Variants in FRK observed in about 807,000 individuals in gnomAD.
FRK encodes tyrosine-protein kinase FRK.
Under a neutral mutation model 56.4 loss-of-function variants are expected in FRK, and 51 were observed. That is an observed-to-expected ratio of 0.90 (90% CI 0.72 to 1.14). The LOEUF is 1.14. Among genes scored for constraint, FRK ranks in the 50% most tolerant of loss-of-function variants. The pLI, the probability that FRK is intolerant of heterozygous loss-of-function variation, is 0.00. For synonymous variants in FRK, 245 were observed against 217.9 expected (o/e 1.12, Z -1.10); for missense variants, 570 against 601.4 (o/e 0.95, Z 0.55).
chr6:116,091,499 C>T, the FRK span, among the ~76,000 whole-genome samples: 1 of 152,070 alleles, frequency 6.6e-6, no homozygotes, highest in African/African-American at 2.4e-5. Context: ...CGCGAAGGTC[C>T]GAGGCTTCAT....
intron 5 of FRK, among the ~76,000 whole-genome samples, chr6:115,954,232 G>A (rs1370378498): frequency 6.6e-6 from 1 of 152,192 alleles, no homozygotes; most frequent in African/African-American, 2.4e-5. Context: ...TGTGGCTGAC[G>A]AAGACTGAGC....
chr6:116,002,083 C>A (rs10872141), intron 2 of FRK, among the ~76,000 whole-genome samples: 59,727 of 151,994 alleles, frequency 0.39, 12,122 homozygotes, highest in Middle Eastern at 0.5. Context: ...ATGCATCTTT[C>A]GAAAGTCTTA....
intron 1 of FRK, among the ~76,000 whole-genome samples, chr6:116,044,989 C>A (rs1776881963): frequency 6.6e-6 from 1 of 152,086 alleles, no homozygotes; most frequent in African/African-American, 2.4e-5. Context: ...ACAATTGCTA[C>A]AAAGAGAATA....
At chr6:115,975,752 G>A (rs2114622615) in intron 2 of FRK, among the ~76,000 whole-genome samples, 1 of 152,216 alleles carries the variant, frequency 6.6e-6, no homozygotes, top group South Asian at 2.1e-4. Flanking sequence ...AAAGTTGCTG[G>A]CATTATGATT....
rs374931408 is a variant in FRK at position 115,942,395 on chromosome 6, T to C, written c.*19A>G. ...GAATTTGTTTTGCTACTTTATTATTTGATATTCTTCTCCAGTGTTCATCTT... is the reference window on the plus strand; with the variant it reads ...GAATTTGTTTTGCTACTTTATTATTCGATATTCTTCTCCAGTGTTCATCTT... On this transcript the variant is annotated 3_prime_UTR_variant, in exon 8 of 8. Coordinates refer to ENST00000606080, the MANE Select transcript of FRK (RefSeq NM_002031.3). 4.4e-5 allele frequency: 70 copies of C among 1,577,844 alleles called. No individual in the cohort carries two copies. In the African/African-American group the frequency reaches 8.1e-4, roughly 18 times the overall value.
In FRK at chr6:115,956,595, T is replaced by C. The variant is rs146859190; in HGVS notation, c.815A>G (p.Asn272Ser). The C allele has an allele frequency of 5.8e-5, 90 of 1,564,636 alleles. 2 individuals are homozygous for C. The African/African-American group carries it at 9.1e-4, about 16-fold the overall frequency. ...TATCTGTGCCTCCCTCAGGAAGTCA[T>C]TTGGATCCATTGAACCTGAAACAAG... ...KTLKPGSMDP[N>S]DFLREAQIMK... is the part of the protein sequence containing the mutation. The change falls in exon 5 of 8, where the codon AAT becomes AGT. Residue 272 changes from asparagine (N) to serine (S), a missense_variant. Physicochemically the swap from Asn to Ser is conservative, Grantham distance 46. Transcript: ENST00000606080.
At chr6:116,027,221 C>T (rs1776125826) in intron 1 of FRK, among the ~76,000 whole-genome samples, 1 of 152,104 alleles carries the variant, frequency 6.6e-6, no homozygotes, top group Admixed American at 6.6e-5. Context: ...TAACTTCCTC[C>T]CATCATACTA....
At chr6:116,036,789 A>T (rs115469859) in intron 1 of FRK, among the ~76,000 whole-genome samples, 3,161 of 152,260 alleles carry the variant, frequency 0.021, 99 homozygotes, top group African/African-American at 0.066. Flanking sequence ...TTAACTGTAA[A>T]TTAAATGTAC....
chr6:116,038,801 C>T (rs1776589767), intron 1 of FRK: 1 of 499,744 alleles, frequency 2.0e-6, no homozygotes, highest in Admixed American at 2.4e-5. Context: ...GAAGATGAAC[C>T]GACGGAAGAA....
At position 115,948,443 on chromosome 6, in the gene FRK, T is replaced by A. The variant is rs75050332; in HGVS notation, c.959-4018A>T. On this transcript the variant is annotated intron_variant, in intron 5 of 7. Transcript: ENST00000606080. ...ATTCCTAACCACAGAAACTGTGAGA[T>A]AATAAACATTTGCTGCTTTAAGCCA... 1.2e-3 allele frequency among the ~76,000 whole-genome samples: 181 copies of A among 152,298 alleles called. 3 individuals are homozygous for A. In the East Asian group the frequency reaches 0.025, roughly 21 times the overall value.
At chr6:116,026,586 G>A (rs1217776581) in intron 1 of FRK, among the ~76,000 whole-genome samples, 2 of 151,308 alleles carry the variant, frequency 1.3e-5, no homozygotes, top group Non-Finnish European at 3.0e-5. Flanking sequence ...AAAGACACGT[G>A]TAACACACCC....
chr6:116,080,761 A>G, the FRK span, among the ~76,000 whole-genome samples: 1 of 148,102 alleles, frequency 6.8e-6, no homozygotes, highest in African/African-American at 2.6e-5. Flanking sequence ...GCATATGCTC[A>G]AAGTCATTAA....
intron 1 of FRK, among the ~76,000 whole-genome samples, chr6:116,020,855 T>A (rs1260308839): frequency 6.6e-6 from 1 of 152,176 alleles, no homozygotes; most frequent in East Asian, 1.9e-4. Context: ...GTATAACCAC[T>A]TTACCCAACA....
intron 2 of FRK, among the ~76,000 whole-genome samples, chr6:115,991,205 G>A (rs1036407655): frequency 5.9e-5 from 9 of 151,736 alleles, no homozygotes; most frequent in South Asian, 2.1e-4. Context: ...GTAAGATCAC[G>A]TCATCGGTGA....
At chr6:116,048,698 AT>A (rs1266815241) in intron 1 of FRK, among the ~76,000 whole-genome samples, 2 of 152,194 alleles carry the variant, frequency 1.3e-5, no homozygotes, top group African/African-American at 4.8e-5. Flanking sequence ...CAAATTACAT[AT>A]TTTTTGTGTC....
intron 1 of FRK, among the ~76,000 whole-genome samples, chr6:116,034,355 T>A (rs528117512): frequency 6.6e-6 from 1 of 152,106 alleles, no homozygotes; most frequent in African/African-American, 2.4e-5. Flanking sequence ...AAATATCACA[T>A]GTACACCATA....
chr6:116,093,529 A>G, the FRK span, among the ~76,000 whole-genome samples: 1 of 152,222 alleles, frequency 6.6e-6, no homozygotes, highest in East Asian at 1.9e-4. Flanking sequence ...GAGTTTGGAG[A>G]TACCTGGTAT....
chr6:116,005,881 C>G (rs188350265), intron 1 of FRK, among the ~76,000 whole-genome samples: 1 of 152,124 alleles, frequency 6.6e-6, no homozygotes, highest in Admixed American at 6.5e-5. Flanking sequence ...CTACAGCATA[C>G]ACAATAATTT....
intron 4 of FRK, among the ~76,000 whole-genome samples, chr6:115,962,060 A>G (rs1482271142): frequency 7.1e-6 from 1 of 141,808 alleles, no homozygotes; most frequent in Admixed American, 6.9e-5. Context: ...AACTTTAAAT[A>G]TAAATGGAGT....
Sources: gnomAD v4.1 joint callset for allele counts (sites outside exome capture counted in the v4.1 genomes callset) on GRCh38, gnomAD v4.1.1 for gene constraint, MANE v1.5 for transcripts, NCBI Gene and HGNC (gene_info 2026-07-23, HGNC 2026-07-21) for gene names.